FNDC3B: variants seen among roughly 807,000 people sequenced by gnomAD.
FNDC3B encodes the protein fibronectin type III domain-containing protein 3B.
FNDC3B carries 12 observed loss-of-function variants against 151.5 expected under a neutral mutation model. The observed-to-expected ratio is 0.08, with a 90% CI of 0.05 to 0.13. The LOEUF (loss-of-function observed/expected upper bound fraction) is 0.13. Ranked by LOEUF, FNDC3B falls within the 10% of genes least tolerant of loss-of-function variation. FNDC3B has a pLI of 1.00. For missense variants in FNDC3B, 1,214 were observed against 1,505.3 expected (o/e 0.81, Z 3.20); for synonymous variants, 528 against 549.0 (o/e 0.96, Z 0.54).
intron 1 of FNDC3B, among the ~76,000 whole-genome samples, chr3:172,043,752 A>G (rs1576812030): frequency 6.6e-6 from 1 of 152,358 alleles, no homozygotes; most frequent in Non-Finnish European, 1.5e-5. Flanking sequence ...CAATGTTTAC[A>G]TGTCATAGTT....
At chr3:172,126,008 G>A (rs1352612130) in intron 2 of FNDC3B, among the ~76,000 whole-genome samples, 2 of 152,166 alleles carry the variant, frequency 1.3e-5, no homozygotes, top group African/African-American at 4.8e-5. Flanking sequence ...TGGAGGCAGG[G>A]AGTTGCTTCA....
At chr3:172,168,328 A>G (rs985074011) in intron 3 of FNDC3B, among the ~76,000 whole-genome samples, 1 of 152,214 alleles carries the variant, frequency 6.6e-6, no homozygotes, top group African/African-American at 2.4e-5. Flanking sequence ...ACTCTACCAG[A>G]TTAGCCCTCT....
chr3:172,337,121 C>T (rs1383556783), intron 15 of FNDC3B, among the ~76,000 whole-genome samples: 2 of 151,978 alleles, frequency 1.3e-5, no homozygotes, highest in African/African-American at 4.8e-5. Context: ...TATCTAAGAA[C>T]TTTGAATAGT....
At chr3:172,075,453 G>C (rs964678146) in intron 1 of FNDC3B, among the ~76,000 whole-genome samples, 1 of 151,928 alleles carries the variant, frequency 6.6e-6, no homozygotes, top group Non-Finnish European at 1.5e-5. Flanking sequence ...TTTGATTTCT[G>C]TATGAAGATA....
chr3:172,103,930 A>G (rs1416115519), intron 1 of FNDC3B, among the ~76,000 whole-genome samples: 2 of 152,120 alleles, frequency 1.3e-5, no homozygotes, highest in Non-Finnish European at 2.9e-5. Context: ...TGCATGAACA[A>G]TTATCACCAC....
intron 1 of FNDC3B, among the ~76,000 whole-genome samples, chr3:172,091,193 T>G (rs1385191821): frequency 2.6e-5 from 4 of 152,200 alleles, no homozygotes; most frequent in Non-Finnish European, 5.9e-5. Flanking sequence ...GGAAAATATT[T>G]TTTAAGTAAC....
chr3:172,166,569 A>G (rs1723013238), intron 3 of FNDC3B, among the ~76,000 whole-genome samples: 1 of 152,130 alleles, frequency 6.6e-6, no homozygotes, highest in Non-Finnish European at 1.5e-5. Flanking sequence ...ACGACCATCT[A>G]AGGTAATAGC....
intron 3 of FNDC3B, among the ~76,000 whole-genome samples, chr3:172,176,174 G>T (rs935262301): frequency 6.6e-6 from 1 of 152,180 alleles, no homozygotes; most frequent in African/African-American, 2.4e-5. Context: ...TGAATTAATA[G>T]AAGAGCCCTT....
Position 172,112,552 on chromosome 3 carries a change from A to C in FNDC3B, c.73A>C (p.Met25Leu), listed in dbSNP as rs1007421996. Reference protein sequence around the residue: ...LPPLLNGEVAMMPHLVNGDAA... With the variant: ...LPPLLNGEVALMPHLVNGDAA... ...ACCATTGCTGAACGGAGAGGTAGCC[A>C]TGATGCCCCACTTGGTGAATGGAGA... The change falls in exon 2 of 26, where the codon ATG (methionine) becomes CTG (leucine). Residue 25 changes from methionine (M) to leucine (L), a missense_variant. By Grantham distance (15) the Met-to-Leu change is conservative. This residue lies in a region of FNDC3B where 113 missense variants were observed against 177.8 expected (regional missense o/e 0.64). Coordinates refer to ENST00000415807, the MANE Select transcript of FNDC3B (RefSeq NM_022763.4). 4 of 1,614,028 alleles carry C rather than the reference A, an allele frequency of 2.5e-6. No individual in the cohort carries two copies. Among genetic ancestry groups the C allele is most frequent in the Non-Finnish European group, 3.4e-6 (4 of 1,179,954 alleles).
chr3:172,162,003 G>A (rs1244649890), intron 3 of FNDC3B, among the ~76,000 whole-genome samples: 4 of 150,544 alleles, frequency 2.7e-5, no homozygotes, highest in Admixed American at 6.6e-5. Flanking sequence ...GGGGGACAGA[G>A]TCTCTCTCTG....
chr3:172,259,369 C>T (rs1363146608), intron 6 of FNDC3B, among the ~76,000 whole-genome samples: 1 of 152,182 alleles, frequency 6.6e-6, no homozygotes, highest in Non-Finnish European at 1.5e-5. Context: ...GCTGCCAGAT[C>T]TCTCTGCTTA....
chr3:172,143,681 C>T lies in FNDC3B; in HGVS notation c.187+10135C>T, dbSNP rs377213741. ...ATCCCAGCACTTTGGGAGGCCGAGG[C>T]GGGCGGATCATGAGGTCAAGAGATT... On this transcript the variant is annotated intron_variant, in intron 3 of 25. Coordinates refer to ENST00000415807, the MANE Select transcript of FNDC3B (RefSeq NM_022763.4). Among the ~76,000 whole-genome samples, 405 of 152,026 alleles carry T rather than the reference C, an allele frequency of 2.7e-3. 1 individual carries two copies. Among genetic ancestry groups the T allele is most frequent in the South Asian group, 0.014 (69 of 4,816 alleles).
chr3:172,110,772 C>T (rs1450954986), intron 1 of FNDC3B, among the ~76,000 whole-genome samples: 1 of 151,994 alleles, frequency 6.6e-6, no homozygotes, highest in African/African-American at 2.4e-5. Flanking sequence ...TACTCAGACC[C>T]CCTAATGTAA....
intron 4 of FNDC3B, among the ~76,000 whole-genome samples, chr3:172,236,212 A>ATTTGATT (rs973648001): frequency 2.6e-5 from 4 of 152,146 alleles, no homozygotes; most frequent in Non-Finnish European, 5.9e-5. Flanking sequence ...GCAGGATTAG[A>ATTTGATT]TTTGATTTTT....
rs542962838 is a variant in FNDC3B at position 172,330,293 on chromosome 3, A to G, written c.1380-248A>G. 4.1e-4 allele frequency: 152 copies of G among 374,096 alleles called. 4 individuals carry two copies. In the South Asian group the frequency reaches 9.2e-3, roughly 23 times the overall value. The allele number at this position is 374,096 out of a possible 1,614,324, so 23.2% of individuals were successfully genotyped here. A position where few individuals can be genotyped will look rare whatever the true frequency, so the allele number is the denominator to read the frequency against. ...ACGTGGACTCAAGATGCAGAACCCA[A>G]GGATACAGAAGGCCAACTGTATATT... On this transcript the variant is annotated intron_variant, in intron 12 of 25. Transcript: ENST00000415807.
intron 3 of FNDC3B, among the ~76,000 whole-genome samples, chr3:172,209,030 C>T (rs1391323572): frequency 5.3e-5 from 8 of 151,494 alleles, no homozygotes; most frequent in African/African-American, 1.2e-4. Flanking sequence ...GGTGTTACAG[C>T]GTGTCACAGC....
At chr3:172,391,359 T>C (rs1735998458) in intron 25 of FNDC3B, among the ~76,000 whole-genome samples, 1 of 152,182 alleles carries the variant, frequency 6.6e-6, no homozygotes, top group South Asian at 2.1e-4. Context: ...TCTAGCTCCA[T>C]GTTAAAGATG....
At chr3:172,045,764 G>A (rs866653299) in intron 1 of FNDC3B, among the ~76,000 whole-genome samples, 11 of 102,778 alleles carry the variant, frequency 1.1e-4, no homozygotes, top group African/African-American at 4.0e-4. Flanking sequence ...AGTTTACTGA[G>A]TGTCTCTCTC....
intron 1 of FNDC3B, among the ~76,000 whole-genome samples, chr3:172,088,346 A>T (rs1718652710): frequency 1.3e-5 from 2 of 152,120 alleles, no homozygotes. Context: ...GAGAAACCTA[A>T]CTCCTGCAGC....
Sources: gnomAD v4.1 joint callset for allele counts (sites outside exome capture counted in the v4.1 genomes callset) on GRCh38, gnomAD v4.1.1 for gene constraint, gnomAD v4.1.1 regional missense constraint, MANE v1.5 for transcripts, NCBI Gene and HGNC (gene_info 2026-07-23, HGNC 2026-07-21) for gene names.